The following ZDHHC7 variants were observed in gnomAD, a reference collection of about 807,000 sequenced individuals.
The protein encoded by ZDHHC7 is zDHHC palmitoyltransferase 7, also known as palmitoyltransferase ZDHHC7.
Under a neutral mutation model 34.1 loss-of-function variants are expected in ZDHHC7, and 12 were observed. The ratio of observed to expected loss-of-function variants is 0.35; its 90% CI spans 0.23 to 0.57. ZDHHC7 has a LOEUF of 0.57. Ranked by LOEUF, ZDHHC7 falls within the 20% of genes least tolerant of loss-of-function variation. ZDHHC7 has a pLI of 0.84. For missense variants in ZDHHC7, 388 were observed against 402.7 expected, an observed-to-expected ratio of 0.96 and a Z score of 0.31; for synonymous variants, 185 against 155.4, an observed-to-expected ratio of 1.19 and a Z score of -1.42.
the ZDHHC7 span, among the ~76,000 whole-genome samples, chr16:85,026,267 T>A: frequency 6.6e-6 from 1 of 152,180 alleles, no homozygotes; most frequent in Non-Finnish European, 1.5e-5. Context: ...TCCATTCCCA[T>A]GAATTCTACA....
At chr16:85,023,097 G>A in the ZDHHC7 span, among the ~76,000 whole-genome samples, 1 of 151,962 alleles carries the variant, frequency 6.6e-6, no homozygotes, top group African/African-American at 2.4e-5. Context: ...CAGCCCTGCT[G>A]ACACCTCAAT....
chr16:85,025,429 G>A, the ZDHHC7 span, among the ~76,000 whole-genome samples: 4 of 151,808 alleles, frequency 2.6e-5, no homozygotes, highest in South Asian at 2.1e-4. Flanking sequence ...TTGGGGGGGG[G>A]GACTAAGTCT....
Position 84,988,834 on chromosome 16 carries a change from T to C in ZDHHC7, c.315+1470A>G, listed in dbSNP as rs770386763. On this transcript the variant is annotated intron_variant, in intron 3 of 7. Transcript: ENST00000313732. ...ACAAGGGTTGGGTCCAGCCCAGTTT[T>C]CACTGTGCAGGCAGATGGTCGGCAG... 1.1e-5 allele frequency: 17 copies of C among 1,551,788 alleles called. No homozygotes were observed. In the South Asian group the frequency reaches 1.9e-4, roughly 17 times the overall value.
In ZDHHC7 at chr16:84,975,267, G is replaced by C. The variant is rs2143522477; in HGVS notation, c.*1076C>G. On this transcript the variant is annotated 3_prime_UTR_variant, in exon 8 of 8. Transcript: ENST00000313732. ...GCGGTGGCACAGTCGCCCCTGCCAG[G>C]GGCTGGCTGCCTCATGGTCCCCTCC... The C allele has an allele frequency of 6.5e-6, 1 of 152,786 alleles. No individual in the cohort carries two copies. The highest frequency in any genetic ancestry group is 1.9e-4 in the East Asian group (1 of 5,180). The allele number at this position is 152,786 out of a possible 1,614,324, so 9.5% of individuals were successfully genotyped here.
intron 2 of ZDHHC7, among the ~76,000 whole-genome samples, chr16:84,994,440 T>C (rs2072550322): frequency 6.6e-6 from 1 of 152,178 alleles, no homozygotes; most frequent in Non-Finnish European, 1.5e-5. Context: ...AAAGGAAGGG[T>C]GCTTTCCAGG....
chr16:85,000,840 G>A (rs2072643243), intron 1 of ZDHHC7, among the ~76,000 whole-genome samples: 1 of 152,216 alleles, frequency 6.6e-6, no homozygotes, highest in Non-Finnish European at 1.5e-5. Flanking sequence ...GCGAGGTGAG[G>A]ATCCAATGTG....
At chr16:85,000,920 G>C (rs574437463) in intron 1 of ZDHHC7, among the ~76,000 whole-genome samples, 3 of 152,348 alleles carry the variant, frequency 2.0e-5, no homozygotes, top group South Asian at 4.1e-4. Flanking sequence ...ACTTCTGGAA[G>C]AACCAGAGAA....
chr16:84,981,199 G>T (rs1422667121), intron 4 of ZDHHC7, among the ~76,000 whole-genome samples: 1 of 152,190 alleles, frequency 6.6e-6, no homozygotes, highest in Non-Finnish European at 1.5e-5. Context: ...GGCAAATGTG[G>T]GGGAAGAGGA....
At chr16:84,987,537 G>A (rs2072452936) in intron 3 of ZDHHC7, among the ~76,000 whole-genome samples, 1 of 150,056 alleles carries the variant, frequency 6.7e-6, no homozygotes, top group East Asian at 1.9e-4. Flanking sequence ...GAGAATACTT[G>A]GCAGTTCCAC....
At chr16:85,023,164 TTTTC>T in the ZDHHC7 span, among the ~76,000 whole-genome samples, 1 of 150,230 alleles carries the variant, frequency 6.7e-6, no homozygotes, top group African/African-American at 2.5e-5. Context: ...CTTTTCTTTC[TTTTC>T]TTTTTTTTTT....
At chr16:85,005,505 A>T (rs2072706969) in intron 1 of ZDHHC7, among the ~76,000 whole-genome samples, 1 of 152,226 alleles carries the variant, frequency 6.6e-6, no homozygotes, top group Admixed American at 6.5e-5. Flanking sequence ...TGAGTCTTAG[A>T]GGCTAAGTGC....
At chr16:84,977,357 G>A (rs928192719) in intron 6 of ZDHHC7, 132 bp from the exon 7 acceptor site, 9 of 1,183,540 alleles carry the variant, frequency 7.6e-6, no homozygotes, top group Admixed American at 4.9e-5. Context: ...TTTCTAAATG[G>A]GCACATTCAT....
chr16:85,018,305 A>G, the ZDHHC7 span, among the ~76,000 whole-genome samples: 1 of 152,184 alleles, frequency 6.6e-6, no homozygotes, highest in Admixed American at 6.5e-5. Flanking sequence ...CGGTGTAGGA[A>G]GACAGGGCAA....
intron 1 of ZDHHC7, among the ~76,000 whole-genome samples, chr16:85,002,338 G>A (rs1394485653): frequency 6.6e-6 from 1 of 151,954 alleles, no homozygotes; most frequent in Non-Finnish European, 1.5e-5. Flanking sequence ...GGAGAAACTT[G>A]GCAAACACCA....
At chr16:85,006,410 T>C (rs1567507242) in intron 1 of ZDHHC7, among the ~76,000 whole-genome samples, 1 of 152,034 alleles carries the variant, frequency 6.6e-6, no homozygotes, top group Non-Finnish European at 1.5e-5. Flanking sequence ...AATTAAATAA[T>C]TTTAAAATAA....
intron 1 of ZDHHC7, among the ~76,000 whole-genome samples, chr16:85,004,458 C>T (rs1168864810): frequency 2.0e-5 from 3 of 152,078 alleles, no homozygotes; most frequent in African/African-American, 4.8e-5. Context: ...CTTCCACAGA[C>T]GTAAATCAGA....
At chr16:85,001,912 C>G (rs2072657729) in intron 1 of ZDHHC7, among the ~76,000 whole-genome samples, 1 of 120,290 alleles carries the variant, frequency 8.3e-6, no homozygotes, top group South Asian at 2.6e-4. Context: ...GGAACCAGGA[C>G]TGAGGCAAAA....
the ZDHHC7 span, among the ~76,000 whole-genome samples, chr16:85,026,100 T>G: frequency 6.6e-6 from 1 of 152,210 alleles, no homozygotes; most frequent in African/African-American, 2.4e-5. Flanking sequence ...GATATTCCCC[T>G]AAAACAGAAT....
chr16:85,000,532 T>C (rs962372172), intron 1 of ZDHHC7, among the ~76,000 whole-genome samples: 4 of 152,242 alleles, frequency 2.6e-5, no homozygotes, highest in African/African-American at 7.2e-5. Flanking sequence ...ACCACTGCAC[T>C]GCTAAGAATG....
Sources: allele counts gnomAD v4.1 joint callset (sites outside exome capture counted in the v4.1 genomes callset), GRCh38; gene constraint gnomAD v4.1.1; transcripts MANE v1.5; gene names NCBI Gene and HGNC (gene_info 2026-07-23, HGNC 2026-07-21).